The following PDE3A variants were observed in gnomAD, a reference collection of about 807,000 sequenced individuals.
PDE3A encodes the protein phosphodiesterase 3A.
In PDE3A, 43 loss-of-function variants were observed where a neutral mutation model predicts 98.3. The observed-to-expected ratio is 0.44, with a 90% CI of 0.34 to 0.56. PDE3A has a LOEUF of 0.56. Ranked by LOEUF, PDE3A falls within the 20% of genes least tolerant of loss-of-function variation. The probability of loss-of-function intolerance (pLI) is 0.01; values close to 1 mark genes in which losing one functional copy is unlikely to be tolerated. For missense variants in PDE3A, 1,427 were observed against 1,440.7 expected, an observed-to-expected ratio of 0.99 and a Z score of 0.15; for synonymous variants, 663 against 567.9, an observed-to-expected ratio of 1.17 and a Z score of -2.38.
At chr12:20,543,269 T>C (rs1441840999) in intron 1 of PDE3A, among the ~76,000 whole-genome samples, 1 of 151,768 alleles carries the variant, frequency 6.6e-6, no homozygotes, top group Non-Finnish European at 1.5e-5. Context: ...TGTTTTTTTT[T>C]TAAACAGGCC....
At chr12:20,545,082 C>T (rs972709424) in intron 1 of PDE3A, among the ~76,000 whole-genome samples, 1 of 151,986 alleles carries the variant, frequency 6.6e-6, no homozygotes, top group African/African-American at 2.4e-5. Context: ...GATGTGATTA[C>T]ATTATTATTA....
At chr12:20,411,764 C>T (rs577127234) in intron 1 of PDE3A, among the ~76,000 whole-genome samples, 16 of 152,280 alleles carry the variant, frequency 1.1e-4, no homozygotes, top group African/African-American at 3.8e-4. Flanking sequence ...GAGATAACCC[C>T]ATTCTTGCTA....
chr12:20,569,530 A>G (rs1300397628), intron 2 of PDE3A, among the ~76,000 whole-genome samples: 1 of 152,158 alleles, frequency 6.6e-6, no homozygotes, highest in Non-Finnish European at 1.5e-5. Context: ...TGTAAAACCC[A>G]TTAAGGCATT....
At chr12:20,387,261 T>TC (rs370203620) in intron 1 of PDE3A, among the ~76,000 whole-genome samples, 588 of 152,148 alleles carry the variant, frequency 3.9e-3, no homozygotes, top group African/African-American at 0.013. Flanking sequence ...GTGGGCTCTT[T>TC]TTTTTGGTTT....
At chr12:20,656,040 G>A (rs1377625495) in intron 15 of PDE3A, among the ~76,000 whole-genome samples, 1 of 152,124 alleles carries the variant, frequency 6.6e-6, no homozygotes, top group Non-Finnish European at 1.5e-5. Flanking sequence ...ATCCTGTCAT[G>A]AAACAAATAG....
intron 1 of PDE3A, among the ~76,000 whole-genome samples, chr12:20,409,789 G>A (rs1481804439): frequency 1.3e-5 from 2 of 152,136 alleles, no homozygotes; most frequent in Non-Finnish European, 1.5e-5. Flanking sequence ...GAATCCAAGT[G>A]CACATTGGAG....
intron 15 of PDE3A, among the ~76,000 whole-genome samples, chr12:20,661,422 T>A (rs1945167586): frequency 1.3e-5 from 2 of 152,224 alleles, no homozygotes; most frequent in South Asian, 4.1e-4. Flanking sequence ...AGGAGCCAAC[T>A]GTTAATCCCC....
Position 20,369,184 on chromosome 12 carries a change from TGCGTGCGTGTGTGTGTGTGTGTGTGTGC to T in PDE3A, c.-97_-70del. 1.4e-6 allele frequency: 1 copy of T among 705,018 alleles called. No individual in the cohort carries two copies. Among genetic ancestry groups the T allele is most frequent in the Non-Finnish European group, 2.2e-6 (1 of 458,558 alleles). The allele number at this position is 705,018 out of a possible 1,614,324, so 43.7% of individuals were successfully genotyped here. ...TCCGAGGGTGGAATTGGGAAGAGCGTGCGTGCGTGTGTGTGTGTGTGTGTGTGCGCGCGCGCGCGTGGGTCGGGGCGGG... is the reference window on the plus strand; with the variant it reads ...TCCGAGGGTGGAATTGGGAAGAGCGTGCGCGCGCGCGTGGGTCGGGGCGGG... On this transcript the variant is annotated 5_prime_UTR_variant, in exon 1 of 16. Coordinates refer to ENST00000359062, the MANE Select transcript of PDE3A (RefSeq NM_000921.5).
intron 1 of PDE3A, chr12:20,551,517 T>G (rs1942196810): frequency 9.4e-7 from 1 of 1,065,182 alleles, no homozygotes. Context: ...GTCTGGTTAA[T>G]TCCGATAACG....
intron 1 of PDE3A, among the ~76,000 whole-genome samples, chr12:20,435,373 T>C (rs960969156): frequency 6.6e-5 from 10 of 152,082 alleles, no homozygotes; most frequent in Non-Finnish European, 1.5e-5. Context: ...TAGGCTTGTC[T>C]TCCAGATTTA....
chr12:20,374,991 G>A, intron 1 of PDE3A, among the ~76,000 whole-genome samples: 1 of 151,956 alleles, frequency 6.6e-6, no homozygotes, highest in East Asian at 1.9e-4. Flanking sequence ...GCTCCCGGAA[G>A]TGATGCATAA....
intron 1 of PDE3A, among the ~76,000 whole-genome samples, chr12:20,375,308 T>G (rs1434010410): frequency 6.6e-6 from 1 of 152,036 alleles, no homozygotes; most frequent in East Asian, 1.9e-4. Context: ...ATATATACTT[T>G]CATGATAGGT....
In PDE3A at chr12:20,652,693, C is replaced by G. The variant is rs184575054; in HGVS notation, c.2926-1254C>G. ...AGCCCTTTGTCAGATGAGTAGGTTG[C>G]AAAAATTTTCTCCTAAAACCATAAA... On this transcript the variant is annotated intron_variant, in intron 14 of 15. Transcript: ENST00000359062. Among the ~76,000 whole-genome samples, 69 of 152,098 alleles carry G rather than the reference C, an allele frequency of 4.5e-4. No individual in the cohort carries two copies. In the East Asian group the frequency reaches 0.011, roughly 25 times the overall value.
At chr12:20,516,639 G>A (rs939592142) in intron 1 of PDE3A, among the ~76,000 whole-genome samples, 3 of 152,124 alleles carry the variant, frequency 2.0e-5, no homozygotes, top group East Asian at 1.9e-4. Context: ...CTTTCACTGC[G>A]ATTAATTTAA....
rs920964404 is a variant in PDE3A, at chr12:20,552,826, C to T, written c.961-3834C>T. 799 of 1,613,780 alleles carry T rather than the reference C, an allele frequency of 5.0e-4. 5 individuals are homozygous for T. Among genetic ancestry groups the T allele is most frequent in the African/African-American group, 4.8e-4 (36 of 74,928 alleles). Reference sequence around the variant, plus strand: ...TATCTGCTGTCAGGAGCTGGTGTTCCGGCCCATCACGACCGTGTGCCAGCA... The same window carrying T: ...TATCTGCTGTCAGGAGCTGGTGTTCTGGCCCATCACGACCGTGTGCCAGCA... On this transcript the variant is annotated intron_variant, in intron 1 of 15. Transcript: ENST00000359062. The surrounding 1 kb of genome is among the most constrained non-coding windows in gnomAD (Gnocchi z 5.1).
At chr12:20,609,945 T>TAGA (rs1555099711) in intron 2 of PDE3A, among the ~76,000 whole-genome samples, 1 of 134,140 alleles carries the variant, frequency 7.5e-6, no homozygotes. Flanking sequence ...GTGAAACTTA[T>TAGA]AGAAGAGAAC....
intron 3 of PDE3A, among the ~76,000 whole-genome samples, chr12:20,614,191 T>C (rs1178170681): frequency 6.6e-6 from 1 of 152,126 alleles, no homozygotes; most frequent in African/African-American, 2.4e-5. Flanking sequence ...TTTAGTCAAT[T>C]ATAGATTATT....
intron 2 of PDE3A, among the ~76,000 whole-genome samples, chr12:20,572,464 C>T (rs1227594198): frequency 1.3e-5 from 2 of 152,060 alleles, no homozygotes; most frequent in Non-Finnish European, 2.9e-5. Flanking sequence ...GTTCACTAAA[C>T]TCCCAAATGA....
intron 1 of PDE3A, among the ~76,000 whole-genome samples, chr12:20,395,463 A>G (rs1012542481): frequency 3.5e-5 from 5 of 141,430 alleles, no homozygotes; most frequent in Non-Finnish European, 7.7e-5. Flanking sequence ...ATAGTATTAT[A>G]TATGTATACT....
Sources: allele counts gnomAD v4.1 joint callset (sites outside exome capture counted in the v4.1 genomes callset), GRCh38; gene constraint gnomAD v4.1.1; non-coding constraint Gnocchi (gnomAD v3.1); transcripts MANE v1.5; gene names NCBI Gene and HGNC (gene_info 2026-07-23, HGNC 2026-07-21).